The following ZFR variants were observed in gnomAD, a reference collection of about 807,000 sequenced individuals.
The protein encoded by ZFR is zinc finger RNA-binding protein.
ZFR carries 19 observed loss-of-function variants against 130.7 expected under a neutral mutation model. The observed-to-expected ratio is 0.15, with a 90% confidence interval of 0.10 to 0.21. The LOEUF is 0.21. ZFR is among the 10% of genes least tolerant of loss of function. The probability of loss-of-function intolerance (pLI) is 1.00; values close to 1 mark genes in which losing one functional copy is unlikely to be tolerated. For missense variants in ZFR, 872 were observed against 1,321.5 expected (o/e 0.66, Z 5.27); for synonymous variants, 466 against 456.9 (o/e 1.02, Z -0.25).
At chr5:32,379,432 GAAT>G (rs1752891009) in intron 16 of ZFR, 1 of 506,074 alleles carries the variant, frequency 2.0e-6, no homozygotes, top group South Asian at 2.1e-5. Flanking sequence ...GATTATACAA[GAAT>G]AATATTTCTT....
At chr5:32,443,756 A>C (rs1312731872) in intron 2 of ZFR, among the ~76,000 whole-genome samples, 1 of 152,258 alleles carries the variant, frequency 6.6e-6, no homozygotes, top group Non-Finnish European at 1.5e-5. Context: ...GCGACGACGC[A>C]GAGAGGCGTC....
intron 2 of ZFR, among the ~76,000 whole-genome samples, chr5:32,432,385 T>C (rs1233374680): frequency 6.6e-6 from 1 of 152,212 alleles, no homozygotes; most frequent in Non-Finnish European, 1.5e-5. Context: ...TGGTTTTGAT[T>C]TGCATTTCTA....
chr5:32,401,207 T>C (rs1753441188), intron 8 of ZFR, among the ~76,000 whole-genome samples: 1 of 152,228 alleles, frequency 6.6e-6, no homozygotes, highest in Non-Finnish European at 1.5e-5. Flanking sequence ...AAAAATATTC[T>C]TAAGTATCTA....
Position 32,395,224 on chromosome 5 carries a change from C to T in ZFR, c.1914G>A (p.Lys638=). Reference sequence around the variant, plus strand: ...GCCAGTACTCCTCCTTCTGCATTTGCTTCCTCATTTTCTCTTCTTGAATCT... The same window carrying T: ...GCCAGTACTCCTCCTTCTGCATTTGTTTCCTCATTTTCTCTTCTTGAATCT... ...ARKIQEEKMR[K]QMQKEEYWRR... is the part of the protein sequence containing the mutation. The change falls in exon 11 of 20, where the codon AAG becomes AAA. Residue 638 remains lysine, a synonymous_variant. Coordinates refer to ENST00000265069, the MANE Select transcript of ZFR (RefSeq NM_016107.5). 6.2e-7 allele frequency: 1 copy of T among 1,610,744 alleles called. No individual in the cohort carries two copies. The highest frequency in any genetic ancestry group is 8.5e-7 in the Non-Finnish European group (1 of 1,178,302).
At chr5:32,377,562 G>A (rs1400765567) in intron 17 of ZFR, among the ~76,000 whole-genome samples, 1 of 151,986 alleles carries the variant, frequency 6.6e-6, no homozygotes, top group African/African-American at 2.4e-5. Context: ...TTCCAACACA[G>A]GTAAAGGCCA....
chr5:32,364,240 A>G lies in ZFR; in HGVS notation c.2871T>C (p.Ser957=). Residue 957 remains serine (S), a synonymous_variant, in exon 18 of 20, where the codon AGT becomes AGC. Transcript: ENST00000265069. ...CCCCAGGGCTCTGAGGGCTAGAAGC[A>G]CTGCTGATTGCTTTCTCTACTAGTA... ...MELLVEKAIS[S]ASSPQSPGDA... is the part of the protein sequence containing the mutation. The G allele has an allele frequency of 6.2e-7, 1 of 1,611,044 alleles. No individual in the cohort carries two copies. The highest frequency in any genetic ancestry group is 2.2e-5 in the East Asian group (1 of 44,772).
intron 9 of ZFR, among the ~76,000 whole-genome samples, chr5:32,399,109 T>TA (rs1249301622): frequency 2.0e-5 from 3 of 151,214 alleles, no homozygotes; most frequent in African/African-American, 2.4e-5. Context: ...CCCCATCTAC[T>TA]AAAAAAAATA....
At chr5:32,415,781 T>C (rs1360071577) in intron 4 of ZFR, among the ~76,000 whole-genome samples, 1 of 152,180 alleles carries the variant, frequency 6.6e-6, no homozygotes, top group African/African-American at 2.4e-5. Context: ...GTCTGTCAAC[T>C]TCTTTGCTGC....
chr5:32,424,916 GAGA>G (rs1408286954), intron 2 of ZFR, among the ~76,000 whole-genome samples: 6 of 152,190 alleles, frequency 3.9e-5, no homozygotes, highest in East Asian at 3.8e-4. Flanking sequence ...AGTAGGGAAA[GAGA>G]AGGAGTGAAA....
chr5:32,379,621 C>T, intron 16 of ZFR: 1 of 217,140 alleles, frequency 4.6e-6, no homozygotes, highest in South Asian at 7.0e-5. Flanking sequence ...TGCAAAGTCA[C>T]TAAACCAAAC....
At chr5:32,372,683 AT>A (rs1287262876) in intron 17 of ZFR, among the ~76,000 whole-genome samples, 1 of 152,020 alleles carries the variant, frequency 6.6e-6, no homozygotes, top group Non-Finnish European at 1.5e-5. Context: ...AAATACAAAA[AT>A]TATCCAGACA....
At chr5:32,442,613 C>T (rs1411638814) in intron 2 of ZFR, among the ~76,000 whole-genome samples, 3 of 152,198 alleles carry the variant, frequency 2.0e-5, no homozygotes, top group African/African-American at 7.2e-5. Flanking sequence ...TTGTAAAATG[C>T]CACATGGCAT....
intron 10 of ZFR, 28 bp downstream of exon 10, chr5:32,397,191 A>G: frequency 6.4e-7 from 1 of 1,566,948 alleles, no homozygotes; most frequent in Non-Finnish European, 8.6e-7. Flanking sequence ...TTTGTTTTAA[A>G]GAAGGTAATA....
At position 32,444,699 on chromosome 5, in the gene ZFR, C is replaced by G. The variant is rs758584109; in HGVS notation, c.-41G>C. The G allele has an allele frequency of 1.3e-6, 2 of 1,502,192 alleles. No homozygotes were observed. Among genetic ancestry groups the G allele is most frequent in the East Asian group, 2.9e-5 (1 of 34,536 alleles). 93.1% of individuals were successfully genotyped at this position (1,502,192 alleles called of 1,614,324 possible). A position where few individuals can be genotyped will look rare whatever the true frequency, so the allele number is the denominator to read the frequency against. Reference sequence around the variant, plus strand: ...CTGCTGAACTCTGAACTCTCACCCGCTGCCTCCCTCCTCTGCCCCGCTCCT... The same window carrying G: ...CTGCTGAACTCTGAACTCTCACCCGGTGCCTCCCTCCTCTGCCCCGCTCCT... On this transcript the variant is annotated 5_prime_UTR_variant, in exon 1 of 20. Coordinates refer to ENST00000265069, the MANE Select transcript of ZFR (RefSeq NM_016107.5).
At chr5:32,376,253 C>T (rs1281367287) in intron 17 of ZFR, among the ~76,000 whole-genome samples, 2 of 152,136 alleles carry the variant, frequency 1.3e-5, no homozygotes, top group African/African-American at 4.8e-5. Context: ...ATAATCACTA[C>T]TGTAAATTAG....
chr5:32,431,191 A>C (rs900692861), intron 2 of ZFR, among the ~76,000 whole-genome samples: 1 of 152,256 alleles, frequency 6.6e-6, no homozygotes, highest in African/African-American at 2.4e-5. Context: ...TTGAGCAAAA[A>C]GAGTGGTAAA....
intron 4 of ZFR, among the ~76,000 whole-genome samples, chr5:32,415,515 T>TGTGTGA (rs1326041688): frequency 1.0e-5 from 1 of 97,936 alleles, no homozygotes; most frequent in Non-Finnish European, 2.0e-5. Flanking sequence ...TGTGTGTGTG[T>TGTGTGA]GCGCGCGCGC....
intron 4 of ZFR, among the ~76,000 whole-genome samples, chr5:32,416,125 T>A: frequency 6.6e-6 from 1 of 152,064 alleles, no homozygotes; most frequent in Non-Finnish European, 1.5e-5. Flanking sequence ...ATTTGATCCA[T>A]GTAACACAAA....
chr5:32,370,310 GGAGAGAGAGAGAGAGAGAGAGAGAGA>G (rs769362722), intron 17 of ZFR, among the ~76,000 whole-genome samples: 22 of 69,856 alleles, frequency 3.1e-4, no homozygotes, highest in East Asian at 1.7e-3. Flanking sequence ...TGTTGTGGGG[GGAGAGAGAGAGAGAGAGAGAGAGAGA>G]GAGAGAGAGA....
Sources: allele counts gnomAD v4.1 joint callset (sites outside exome capture counted in the v4.1 genomes callset), GRCh38; gene constraint gnomAD v4.1.1; transcripts MANE v1.5; gene names NCBI Gene and HGNC (gene_info 2026-07-23, HGNC 2026-07-21).